REDIC1: variants seen among roughly 807,000 people sequenced by gnomAD.
REDIC1 encodes the protein HEI10 Interacting Protein 1.
At chr12:39,769,512 T>C in the REDIC1 span, among the ~76,000 whole-genome samples, 1 of 142,346 alleles carries the variant, frequency 7.0e-6, no homozygotes, top group African/African-American at 2.7e-5. Flanking sequence ...CTCTCAATAT[T>C]TGAGAAAAGA....
the REDIC1 span, among the ~76,000 whole-genome samples, chr12:39,760,893 A>G: frequency 7.3e-6 from 1 of 136,110 alleles, no homozygotes. Context: ...TCCAAGATGG[A>G]CTTTTAAAAT....
At chr12:39,720,159 G>C in the REDIC1 span, among the ~76,000 whole-genome samples, 1 of 151,700 alleles carries the variant, frequency 6.6e-6, no homozygotes, top group Non-Finnish European at 1.5e-5. Context: ...GTTCTTAAAG[G>C]TTGTCTTTTT....
At chr12:39,777,092 G>C in the REDIC1 span, among the ~76,000 whole-genome samples, 1 of 152,124 alleles carries the variant, frequency 6.6e-6, no homozygotes, top group Non-Finnish European at 1.5e-5. Flanking sequence ...ATCATATTCG[G>C]AATCTGCGTC....
At chr12:39,765,758 C>T in the REDIC1 span, among the ~76,000 whole-genome samples, 9 of 152,072 alleles carry the variant, frequency 5.9e-5, no homozygotes, top group African/African-American at 2.2e-4. Context: ...AGGACACATG[C>T]ACAGGATGTG....
the REDIC1 span, among the ~76,000 whole-genome samples, chr12:39,779,167 G>T: frequency 2.0e-5 from 3 of 152,152 alleles, no homozygotes; most frequent in Non-Finnish European, 4.4e-5. Flanking sequence ...CTGAAGACTG[G>T]TTTTTCTTAC....
At chr12:39,703,171 A>G in the REDIC1 span, among the ~76,000 whole-genome samples, 1 of 152,208 alleles carries the variant, frequency 6.6e-6, no homozygotes, top group East Asian at 1.9e-4. Flanking sequence ...ACATGACTGC[A>G]TATATAGACA....
chr12:39,833,403 A>T, the REDIC1 span, among the ~76,000 whole-genome samples: 2 of 152,038 alleles, frequency 1.3e-5, no homozygotes, highest in East Asian at 3.9e-4. Context: ...TACCTCAAAG[A>T]GACCTTCAAC....
the REDIC1 span, among the ~76,000 whole-genome samples, chr12:39,833,761 C>T: frequency 6.6e-6 from 1 of 151,972 alleles, no homozygotes; most frequent in Non-Finnish European, 1.5e-5. Flanking sequence ...AATCTCAATC[C>T]TTATTCCTCC....
chr12:39,835,140 T>A, the REDIC1 span, among the ~76,000 whole-genome samples: 1 of 152,102 alleles, frequency 6.6e-6, no homozygotes, highest in African/African-American at 2.4e-5. Flanking sequence ...TTTCTTTTGG[T>A]CTATTTTGGT....
chr12:39,729,168 C>T, the REDIC1 span, among the ~76,000 whole-genome samples: 1 of 152,080 alleles, frequency 6.6e-6, no homozygotes, highest in Non-Finnish European at 1.5e-5. Flanking sequence ...TTTAGTTCTG[C>T]TCTGATCTTA....
At chr12:39,712,211 T>C in the REDIC1 span, among the ~76,000 whole-genome samples, 5 of 14,268 alleles carry the variant, frequency 3.5e-4, no homozygotes, top group South Asian at 8.1e-3. Flanking sequence ...TATACATATG[T>C]ATATATACAT....
chr12:39,693,003 T>G, the REDIC1 span, among the ~76,000 whole-genome samples: 1 of 152,140 alleles, frequency 6.6e-6, no homozygotes, highest in Non-Finnish European at 1.5e-5. Flanking sequence ...TAGTTCTAAT[T>G]TATATTTCTC....
At chr12:39,784,500 G>T in the REDIC1 span, among the ~76,000 whole-genome samples, 324 of 152,308 alleles carry the variant, frequency 2.1e-3, 17 homozygotes, top group South Asian at 0.063. Context: ...AACAAATGGT[G>T]CTGGGAAAAC....
the REDIC1 span, among the ~76,000 whole-genome samples, chr12:39,694,507 G>A: frequency 2.0e-5 from 3 of 152,110 alleles, no homozygotes; most frequent in African/African-American, 7.2e-5. Flanking sequence ...AAGCAAAATT[G>A]GACCAAACTC....
the REDIC1 span, among the ~76,000 whole-genome samples, chr12:39,879,704 G>C: frequency 6.6e-6 from 1 of 152,096 alleles, no homozygotes; most frequent in Non-Finnish European, 1.5e-5. Context: ...TATTTTACAG[G>C]CTCAAAAGTG....
the REDIC1 span, among the ~76,000 whole-genome samples, chr12:39,896,959 C>G: frequency 6.6e-6 from 1 of 152,086 alleles, no homozygotes; most frequent in African/African-American, 2.4e-5. Flanking sequence ...TATGGCTTCA[C>G]TTCTCTAACT....
the REDIC1 span, among the ~76,000 whole-genome samples, chr12:39,819,025 T>C: frequency 2.6e-5 from 4 of 152,140 alleles, no homozygotes; most frequent in Non-Finnish European, 4.4e-5. Context: ...CTGTCAATCA[T>C]AGTTTTCAGA....
chr12:39,645,678 T>G, the REDIC1 span, among the ~76,000 whole-genome samples: 1 of 152,112 alleles, frequency 6.6e-6, no homozygotes, highest in Non-Finnish European at 1.5e-5. Context: ...ATTTTGCTTA[T>G]AACTAGCAGA....
chr12:39,749,330 T>A, the REDIC1 span, among the ~76,000 whole-genome samples: 72 of 152,222 alleles, frequency 4.7e-4, no homozygotes, highest in African/African-American at 1.5e-3. Flanking sequence ...AAGAAATGGA[T>A]AAATTCCTCG....
Sources: gnomAD v4.1 joint callset for allele counts (sites outside exome capture counted in the v4.1 genomes callset) on GRCh38, gnomAD v4.1.1 for gene constraint, MANE v1.5 for transcripts, NCBI Gene and HGNC (gene_info 2026-07-23, HGNC 2026-07-21) for gene names.